Variants in GRM1 observed in about 807,000 individuals in gnomAD.
The protein encoded by GRM1 is glutamate metabotropic receptor 1, also known as metabotropic glutamate receptor 1.
In GRM1, 33 loss-of-function variants were observed where a neutral mutation model predicts 90.9. The observed-to-expected ratio is 0.36, with a 90% confidence interval of 0.28 to 0.49. The LOEUF is 0.49. Ranked by LOEUF, GRM1 falls within the 20% of genes least tolerant of loss-of-function variation. The pLI is 0.99. For missense variants in GRM1, 1,190 were observed against 1,534.3 expected (o/e 0.78, Z 3.75); for synonymous variants, 700 against 613.2 (o/e 1.14, Z -2.09).
chr6:146,311,762 T>TA (rs1443160799), intron 3 of GRM1, among the ~76,000 whole-genome samples: 1 of 152,206 alleles, frequency 6.6e-6, no homozygotes, highest in East Asian at 1.9e-4. Flanking sequence ...AGCATGAACT[T>TA]ACAAATTGTG....
chr6:146,387,479 C>T lies in GRM1; in HGVS notation c.1729+463C>T, dbSNP rs576542529. On this transcript the variant is annotated intron_variant, in intron 6 of 7. Transcript: ENST00000282753. Reference sequence around the variant, plus strand: ...AACATAATTATTAAAATAATCATCCCGGCTTTTATTTTGCTTAAAACCTAT... The same window carrying T: ...AACATAATTATTAAAATAATCATCCTGGCTTTTATTTTGCTTAAAACCTAT... 7.9e-5 allele frequency among the ~76,000 whole-genome samples: 12 copies of T among 151,730 alleles called. No homozygotes were observed. In the South Asian group the frequency reaches 1.9e-3, roughly 24 times the overall value.
At chr6:146,138,117 C>T (rs1234738276) in intron 1 of GRM1, among the ~76,000 whole-genome samples, 1 of 151,892 alleles carries the variant, frequency 6.6e-6, no homozygotes, top group African/African-American at 2.4e-5. Context: ...GATAATTTGA[C>T]TTCTTCCTTT....
intron 2 of GRM1, among the ~76,000 whole-genome samples, chr6:146,179,665 C>A (rs753622786): frequency 6.6e-6 from 1 of 152,120 alleles, no homozygotes. Context: ...AGGTGCCGGC[C>A]ACCATGCCCA....
chr6:146,427,363 G>T (rs755667135), intron 7 of GRM1, among the ~76,000 whole-genome samples: 1 of 152,124 alleles, frequency 6.6e-6, no homozygotes, highest in Non-Finnish European at 1.5e-5. Context: ...AGTTCGTTGT[G>T]CACGGAGTCT....
At chr6:146,389,392 C>T (rs362917) in intron 6 of GRM1, among the ~76,000 whole-genome samples, 3,280 of 148,292 alleles carry the variant, frequency 0.022, 112 homozygotes, top group African/African-American at 0.079. Flanking sequence ...AATTTCTATC[C>T]TATTTTAAAA....
chr6:146,341,434 T>A (rs1784977076), intron 3 of GRM1, among the ~76,000 whole-genome samples: 1 of 152,198 alleles, frequency 6.6e-6, no homozygotes, highest in Non-Finnish European at 1.5e-5. Flanking sequence ...AATAATATAC[T>A]TTTGGCATAA....
chr6:146,102,857 C>G (rs529104017), intron 1 of GRM1, among the ~76,000 whole-genome samples: 4 of 152,232 alleles, frequency 2.6e-5, no homozygotes, highest in African/African-American at 9.6e-5. Context: ...TATTCAAATA[C>G]TTTGGAACTT....
intron 6 of GRM1, among the ~76,000 whole-genome samples, chr6:146,393,797 T>G (rs1406806197): frequency 6.6e-6 from 1 of 152,006 alleles, no homozygotes; most frequent in African/African-American, 2.4e-5. Context: ...AAAAAGAGCC[T>G]GTATAGCCAA....
intron 3 of GRM1, among the ~76,000 whole-genome samples, chr6:146,305,103 G>A (rs981426844): frequency 6.6e-6 from 1 of 151,036 alleles, no homozygotes; most frequent in Non-Finnish European, 1.5e-5. Context: ...AAACTGAGGA[G>A]TCAGGTATCT....
rs538734158 is a variant in GRM1, at chr6:146,307,176, AG to A, written c.1186+2331del. On this transcript the variant is annotated intron_variant, in intron 3 of 7. Transcript: ENST00000282753. ...TTAAACTGTGTTAGTATTCACAGCA[AG>A]AAATAACAATTTACAAATCTTGATT... Among the ~76,000 whole-genome samples, 472 of 152,342 alleles carry A rather than the reference AG, an allele frequency of 3.1e-3. 3 individuals carry two copies. Among genetic ancestry groups the A allele is most frequent in the African/African-American group, 0.011 (454 of 41,584 alleles).
intron 5 of GRM1, among the ~76,000 whole-genome samples, chr6:146,373,755 T>C (rs1398687392): frequency 6.6e-6 from 1 of 152,168 alleles, no homozygotes; most frequent in Admixed American, 6.6e-5. Flanking sequence ...GTTCTAATAG[T>C]TTTATTGTGC....
At chr6:146,348,069 G>T (rs1785247508) in intron 3 of GRM1, among the ~76,000 whole-genome samples, 3 of 152,160 alleles carry the variant, frequency 2.0e-5, no homozygotes, top group Non-Finnish European at 4.4e-5. Flanking sequence ...ATTACAAAAA[G>T]TAATGGTTTA....
chr6:146,209,671 A>T (rs563741640), intron 2 of GRM1, among the ~76,000 whole-genome samples: 2 of 152,220 alleles, frequency 1.3e-5, no homozygotes, highest in South Asian at 4.2e-4. Flanking sequence ...TGGAAGGGAG[A>T]TGTTTGAGAC....
chr6:146,247,750 C>CA (rs770414091), intron 2 of GRM1, among the ~76,000 whole-genome samples: 2,281 of 57,026 alleles, frequency 0.04, 43 homozygotes, highest in Middle Eastern at 0.087. Context: ...GACTCCATCT[C>CA]AAAAAAAAAA....
At chr6:146,112,879 C>T (rs1405001711) in intron 1 of GRM1, among the ~76,000 whole-genome samples, 2 of 152,206 alleles carry the variant, frequency 1.3e-5, no homozygotes, top group South Asian at 2.1e-4. Flanking sequence ...CTAGCTTGAG[C>T]GTCAACACAC....
chr6:146,127,873 G>A (rs200626203), intron 1 of GRM1, among the ~76,000 whole-genome samples: 1 of 152,174 alleles, frequency 6.6e-6, no homozygotes, highest in East Asian at 1.9e-4. Context: ...TGTAATGTGA[G>A]CAGGGCTCAG....
intron 2 of GRM1, among the ~76,000 whole-genome samples, chr6:146,288,920 C>A (rs1457914821): frequency 2.6e-5 from 4 of 152,124 alleles, no homozygotes; most frequent in Non-Finnish European, 4.4e-5. Context: ...TGTCTTAGTA[C>A]AATGCACTGC....
chr6:146,215,857 C>T (rs1485043997), intron 2 of GRM1, among the ~76,000 whole-genome samples: 3 of 151,630 alleles, frequency 2.0e-5, no homozygotes, highest in Non-Finnish European at 2.9e-5. Flanking sequence ...CCTGGGTTCA[C>T]GCCATCCTCC....
In GRM1 at chr6:146,422,855, G is replaced by A. The variant is rs114839077; in HGVS notation, c.2661-11017G>A. Reference sequence around the variant, plus strand: ...AATGGAAATATATGGGTAAAGTTACGCAGAATCCATCAGTGTATGACAAGC... The same window carrying A: ...AATGGAAATATATGGGTAAAGTTACACAGAATCCATCAGTGTATGACAAGC... On this transcript the variant is annotated intron_variant, in intron 7 of 7. Transcript: ENST00000282753. Among the ~76,000 whole-genome samples, 631 of 151,924 alleles carry A rather than the reference G, an allele frequency of 4.2e-3. 2 individuals carry two copies. Among genetic ancestry groups the A allele is most frequent in the African/African-American group, 0.014 (589 of 41,398 alleles).
Sources: gnomAD v4.1 joint callset for allele counts (sites outside exome capture counted in the v4.1 genomes callset) on GRCh38, gnomAD v4.1.1 for gene constraint, MANE v1.5 for transcripts, NCBI Gene and HGNC (gene_info 2026-07-23, HGNC 2026-07-21) for gene names.